RIC1: variants seen among roughly 807,000 people sequenced by gnomAD.
The protein encoded by RIC1 is RIC1 partner of RAB6A GEF complex, also known as guanine nucleotide exchange factor subunit RIC1.
A neutral mutation model predicts 169.0 loss-of-function variants in RIC1; 88 were observed. That is an observed-to-expected ratio of 0.52 (90% CI 0.44 to 0.62). RIC1 has a LOEUF of 0.62. Ranked by LOEUF, RIC1 falls within the 20% of genes least tolerant of loss-of-function variation. The probability of loss-of-function intolerance (pLI) is 0.00; values close to 1 mark genes in which losing one functional copy is unlikely to be tolerated. For missense variants in RIC1, 1,877 were observed against 1,725.5 expected (o/e 1.09, Z -1.56); for synonymous variants, 790 against 601.5 (o/e 1.31, Z -4.59).
chr9:5,750,663 CTG>C (rs752467160), intron 12 of RIC1, among the ~76,000 whole-genome samples: 3 of 151,876 alleles, frequency 2.0e-5, no homozygotes, highest in South Asian at 2.1e-4. Flanking sequence ...TTAAGAGAAA[CTG>C]AAACATTCTA....
rs141109596 is a variant in RIC1 at position 5,728,936 on chromosome 9, C to A, written c.721-3452C>A. ...TTTGGTTCGTTTGGTTTACTATGTC[C>A]TTTACCATAGGATGAGCTGACTGAG... On this transcript the variant is annotated intron_variant, in intron 6 of 25. Transcript: ENST00000414202. 1.6e-3 allele frequency among the ~76,000 whole-genome samples: 242 copies of A among 152,230 alleles called. 1 individual carries two copies. The highest frequency in any genetic ancestry group is 6.8e-3 in the Middle Eastern group (2 of 294).
intron 17 of RIC1, among the ~76,000 whole-genome samples, chr9:5,760,022 C>T (rs751075084): frequency 4.6e-5 from 7 of 152,048 alleles, no homozygotes; most frequent in Non-Finnish European, 7.4e-5. Context: ...TTGGCTAGAG[C>T]AGATTAAGAA....
At chr9:5,687,804 TA>T (rs1411314432) in intron 2 of RIC1, among the ~76,000 whole-genome samples, 4 of 152,204 alleles carry the variant, frequency 2.6e-5, no homozygotes, top group South Asian at 4.1e-4. Context: ...TTTAATTAAA[TA>T]TTTTTTTTCT....
chr9:5,763,035 A>C lies in RIC1; in HGVS notation c.2113-105A>C, dbSNP rs905751536. ...TAGATCCCTTTGCTTTTCCCAAAAAAATATTATACTATCATTTGAAAGACT... is the reference window on the plus strand; with the variant it reads ...TAGATCCCTTTGCTTTTCCCAAAAACATATTATACTATCATTTGAAAGACT... On this transcript the variant is annotated intron_variant, in intron 18 of 25. Transcript: ENST00000414202. This position sits in a 1 kb window ranked among gnomAD's most constrained non-coding sequence, Gnocchi z 5.2. 5 of 1,372,322 alleles carry C rather than the reference A, an allele frequency of 3.6e-6. No individual in the cohort carries two copies. The Admixed American group carries it at 1.3e-4, about 35-fold the overall frequency. The allele number at this position is 1,372,322 out of a possible 1,614,324, so 85.0% of individuals were successfully genotyped here. A position where few individuals can be genotyped will look rare whatever the true frequency, so the allele number is the denominator to read the frequency against.
chr9:5,674,655 A>T (rs1390834798), intron 2 of RIC1, among the ~76,000 whole-genome samples: 3 of 152,186 alleles, frequency 2.0e-5, no homozygotes, highest in African/African-American at 4.8e-5. Context: ...ACCATATCTT[A>T]TGTAAAGTGC....
chr9:5,727,199 C>T (rs919745970), intron 6 of RIC1, among the ~76,000 whole-genome samples: 6 of 152,180 alleles, frequency 3.9e-5, no homozygotes, highest in Admixed American at 6.5e-5. Flanking sequence ...AGCAGTCAGA[C>T]GTAGATTTCA....
At chr9:5,724,664 T>G (rs932136905) in intron 6 of RIC1, among the ~76,000 whole-genome samples, 1 of 152,220 alleles carries the variant, frequency 6.6e-6, no homozygotes, top group African/African-American at 2.4e-5. Context: ...GCTTCCAGTT[T>G]TTGCCCATTC....
At chr9:5,709,748 T>G (rs1822822712) in intron 3 of RIC1, among the ~76,000 whole-genome samples, 1 of 152,204 alleles carries the variant, frequency 6.6e-6, no homozygotes, top group South Asian at 2.1e-4. Context: ...GTCAGAATTT[T>G]TTTGTTACTG....
At chr9:5,710,298 C>A (rs1435564621) in intron 3 of RIC1, among the ~76,000 whole-genome samples, 2 of 152,178 alleles carry the variant, frequency 1.3e-5, no homozygotes, top group African/African-American at 4.8e-5. Flanking sequence ...AGGAAATATA[C>A]TGTCTGGTTT....
At chr9:5,715,881 T>C (rs1427867562) in intron 4 of RIC1, among the ~76,000 whole-genome samples, 1 of 148,380 alleles carries the variant, frequency 6.7e-6, no homozygotes, top group African/African-American at 2.5e-5. Context: ...TGAAGTGCAG[T>C]GGCACAATCA....
chr9:5,665,079 G>A (rs554644261), intron 2 of RIC1, among the ~76,000 whole-genome samples: 3 of 152,074 alleles, frequency 2.0e-5, no homozygotes, highest in Non-Finnish European at 4.4e-5. Context: ...AACTTGCTTT[G>A]TGAATCTGGG....
chr9:5,738,624 A>C, intron 8 of RIC1, 86 bp downstream of exon 8: 2 of 760,074 alleles, frequency 2.6e-6, no homozygotes, highest in Non-Finnish European at 4.0e-6. Flanking sequence ...TAAGTTAAAC[A>C]ATACATGTCA....
At chr9:5,702,931 C>T (rs1822326249) in intron 3 of RIC1, among the ~76,000 whole-genome samples, 1 of 152,186 alleles carries the variant, frequency 6.6e-6, no homozygotes, top group South Asian at 2.1e-4. Flanking sequence ...CCTCATGATC[C>T]AGTCACCTCC....
Position 5,772,049 on chromosome 9 carries a change from T to C in RIC1, c.3617-515T>C, listed in dbSNP as rs969314830. 2.0e-5 allele frequency among the ~76,000 whole-genome samples: 3 copies of C among 152,370 alleles called. No homozygotes were observed. In the East Asian group the frequency reaches 5.8e-4, roughly 29 times the overall value. ...AGTATTCAGATTTCTAATTGTTTCA[T>C]AGACATCATAATTTTGTATAGGTTA... On this transcript the variant is annotated intron_variant, in intron 23 of 25. Transcript: ENST00000414202.
intron 1 of RIC1, among the ~76,000 whole-genome samples, chr9:5,643,150 TA>T (rs1157805872): frequency 6.6e-6 from 1 of 151,940 alleles, no homozygotes; most frequent in Non-Finnish European, 1.5e-5. Flanking sequence ...AAAATAAAAA[TA>T]AAAAAATCAG....
chr9:5,665,451 C>G (rs969246309), intron 2 of RIC1, among the ~76,000 whole-genome samples: 3 of 152,212 alleles, frequency 2.0e-5, no homozygotes, highest in Non-Finnish European at 4.4e-5. Flanking sequence ...ATTCAGCTTT[C>G]TCAGCCTCAG....
At chr9:5,640,941 G>A (rs1818207936) in intron 1 of RIC1, among the ~76,000 whole-genome samples, 1 of 152,066 alleles carries the variant, frequency 6.6e-6, no homozygotes. Context: ...CTCCTGGCCT[G>A]TAAGATTTTT....
At chr9:5,756,191 C>T (rs573185203) in intron 15 of RIC1, 21 bp from the exon 16 acceptor site, 212 of 1,444,950 alleles carry the variant, frequency 1.5e-4, no homozygotes, top group Non-Finnish European at 3.2e-5. Context: ...TTATAATTTT[C>T]TTCATTTTTG....
At chr9:5,645,634 C>G (rs966563752) in intron 1 of RIC1, among the ~76,000 whole-genome samples, 2 of 152,210 alleles carry the variant, frequency 1.3e-5, no homozygotes, top group African/African-American at 2.4e-5. Flanking sequence ...GTACCTCAGA[C>G]AAGTGGAACC....
Sources: allele counts gnomAD v4.1 joint callset (sites outside exome capture counted in the v4.1 genomes callset), GRCh38; gene constraint gnomAD v4.1.1; non-coding constraint Gnocchi (gnomAD v3.1); transcripts MANE v1.5; gene names NCBI Gene and HGNC (gene_info 2026-07-23, HGNC 2026-07-21).